Variants in MCCC2 observed in about 807,000 individuals in gnomAD.
The protein encoded by MCCC2 is methylcrotonyl-CoA carboxylase subunit 2.
A neutral mutation model predicts 77.2 loss-of-function variants in MCCC2; 52 were observed. The ratio of observed to expected loss-of-function variants is 0.67; its 90% CI spans 0.54 to 0.85. MCCC2 has a LOEUF of 0.85. MCCC2 is among the 40% of genes least tolerant of loss of function. The pLI, the probability that MCCC2 is intolerant of heterozygous loss-of-function variation, is 0.00. For synonymous variants in MCCC2, 253 were observed against 248.4 expected, an observed-to-expected ratio of 1.02 and a Z score of -0.18; for missense variants, 682 against 703.2, an observed-to-expected ratio of 0.97 and a Z score of 0.34.
intron 3 of MCCC2, among the ~76,000 whole-genome samples, chr5:71,598,746 G>A (rs539803401): frequency 5.5e-5 from 8 of 146,658 alleles, no homozygotes; most frequent in Admixed American, 1.4e-4. Flanking sequence ...ATGAGCCACC[G>A]TGCCTGGCCA....
intron 8 of MCCC2, among the ~76,000 whole-genome samples, chr5:71,633,107 ATATATATATATATATATATATATATT>A (rs1339971403): frequency 0.014 from 295 of 21,024 alleles, 15 homozygotes; most frequent in African/African-American, 0.032. Context: ...ATATATATAT[ATATATATATATATATATATATATATT>A]TTTATTTTTT....
rs1554134056 is a variant in MCCC2, at chr5:71,602,557, C to T, written c.435C>T (p.Tyr145=). 6.2e-6 allele frequency: 10 copies of T among 1,614,182 alleles called. No individual in the cohort carries two copies. In the Admixed American group the frequency reaches 1.7e-4, roughly 27 times the overall value. The change falls in exon 5 of 17, where the codon TAC becomes TAT. Residue 145 remains tyrosine (Y), a synonymous_variant. Transcript: ENST00000340941. ...ANDATVKGGA[Y]YPVTVKKQLR... ...ATGCCACCGTCAAAGGAGGTGCCTACTACCCAGTGACTGTGAAAAAACAAT... is the reference window on the plus strand; with the variant it reads ...ATGCCACCGTCAAAGGAGGTGCCTATTACCCAGTGACTGTGAAAAAACAAT...
intron 7 of MCCC2, among the ~76,000 whole-genome samples, chr5:71,626,972 TC>T (rs1482271129): frequency 2.0e-5 from 3 of 152,182 alleles, no homozygotes; most frequent in African/African-American, 7.2e-5. Context: ...ATTTTCATCC[TC>T]CCCAACTGAA....
intron 2 of MCCC2, among the ~76,000 whole-genome samples, chr5:71,595,582 T>G (rs1745153336): frequency 6.6e-6 from 1 of 152,138 alleles, no homozygotes; most frequent in Non-Finnish European, 1.5e-5. Context: ...AAAAATAAAC[T>G]AATGTTTTAA....
At chr5:71,633,131 A>ATTTTTTTTTTAT (rs1306338509) in intron 8 of MCCC2, among the ~76,000 whole-genome samples, 77 of 78,056 alleles carry the variant, frequency 9.9e-4, no homozygotes, top group Middle Eastern at 7.9e-3. Context: ...ATATATATAT[A>ATTTTTTTTTTAT]TTTTTATTTT....
At chr5:71,630,988 G>A (rs916365797) in intron 7 of MCCC2, among the ~76,000 whole-genome samples, 2 of 151,964 alleles carry the variant, frequency 1.3e-5, no homozygotes, top group African/African-American at 4.8e-5. Context: ...TCTTTTTCCT[G>A]GTAGAATTTC....
chr5:71,628,195 A>G (rs1316828802), intron 7 of MCCC2, among the ~76,000 whole-genome samples: 2 of 152,202 alleles, frequency 1.3e-5, no homozygotes, highest in East Asian at 3.8e-4. Flanking sequence ...CTTTGGAGAC[A>G]TGTCTATTCA....
At chr5:71,645,973 G>A (rs1183688561) in intron 12 of MCCC2, among the ~76,000 whole-genome samples, 3 of 151,956 alleles carry the variant, frequency 2.0e-5, no homozygotes, top group Non-Finnish European at 4.4e-5. Context: ...GAGACAGGAG[G>A]ATTGCTTGAG....
chr5:71,631,836 G>T (rs931412508), intron 7 of MCCC2, among the ~76,000 whole-genome samples: 1 of 152,106 alleles, frequency 6.6e-6, no homozygotes, highest in Non-Finnish European at 1.5e-5. Flanking sequence ...CACCGCGCCC[G>T]GCCAGGTCTT....
chr5:71,626,646 GT>G lies in MCCC2; in HGVS notation c.632del (p.Val211GlyfsTer62), dbSNP rs1188285046. 6.2e-7 allele frequency: 1 copy of G among 1,613,786 alleles called. No individual in the cohort carries two copies. The highest frequency in any genetic ancestry group is 8.5e-7 in the Non-Finnish European group (1 of 1,179,814). On this transcript the variant is annotated frameshift_variant, in exon 7 of 17. Transcript: ENST00000340941. LOFTEE classifies it high-confidence loss of function. Reference sequence around the variant, plus strand: ...TCGTGTGCTTGGATTCCAGATCGCAGTGGTCATGGGCTCCTGCACCGCAGGA... The same window carrying G: ...TCGTGTGCTTGGATTCCAGATCGCAGGGTCATGGGCTCCTGCACCGCAGGA... ...MSSKNIAQIA[V>X]VMGSCTAGGA...
At chr5:71,600,237 G>T (rs1260630525) in intron 4 of MCCC2, among the ~76,000 whole-genome samples, 2 of 152,032 alleles carry the variant, frequency 1.3e-5, no homozygotes, top group African/African-American at 4.8e-5. Context: ...CTTTTAACTA[G>T]AGATGCTCTA....
intron 6 of MCCC2, among the ~76,000 whole-genome samples, chr5:71,614,673 G>A (rs530777385): frequency 1.5e-4 from 23 of 151,956 alleles, no homozygotes; most frequent in Admixed American, 1.2e-3. Context: ...TAGTAGAGAC[G>A]GGGTTTTACT....
chr5:71,635,346 T>A, intron 10 of MCCC2, 100 bp downstream of exon 10: 2 of 1,018,820 alleles, frequency 2.0e-6, no homozygotes, highest in Non-Finnish European at 3.1e-6. Flanking sequence ...TGTTCATGCC[T>A]AGAAATAGAT....
At chr5:71,637,861 C>T (rs996578105) in intron 10 of MCCC2, among the ~76,000 whole-genome samples, 11 of 152,188 alleles carry the variant, frequency 7.2e-5, no homozygotes, top group Middle Eastern at 3.4e-3. Flanking sequence ...TACAGGTGCC[C>T]GCCACTGCGC....
intron 2 of MCCC2, among the ~76,000 whole-genome samples, chr5:71,593,449 C>G (rs1175892928): frequency 1.3e-5 from 2 of 151,910 alleles, no homozygotes; most frequent in East Asian, 1.9e-4. Context: ...TTTTATTTTT[C>G]CTATTACTTG....
intron 6 of MCCC2, among the ~76,000 whole-genome samples, chr5:71,609,038 T>G (rs994277321): frequency 6.6e-6 from 1 of 152,050 alleles, no homozygotes; most frequent in African/African-American, 2.4e-5. Flanking sequence ...ATCTGACAAT[T>G]ATGTGTCTTG....
chr5:71,620,140 G>A (rs1475709554), intron 6 of MCCC2, among the ~76,000 whole-genome samples: 2 of 152,180 alleles, frequency 1.3e-5, no homozygotes, highest in Non-Finnish European at 2.9e-5. Flanking sequence ...TGGATTCTTT[G>A]TGCATTTCAA....
chr5:71,642,994 C>T (rs570262845), intron 11 of MCCC2, among the ~76,000 whole-genome samples: 1 of 150,796 alleles, frequency 6.6e-6, no homozygotes, highest in Admixed American at 6.6e-5. Context: ...CAGAAAAAGA[C>T]CCTGTCTCAT....
Position 71,656,907 on chromosome 5 carries a change from CAT to C in MCCC2, c.*48_*49del. 7.1e-7 allele frequency: 1 copy of C among 1,415,436 alleles called. No individual in the cohort carries two copies. Among genetic ancestry groups the C allele is most frequent in the Non-Finnish European group, 1.0e-6 (1 of 999,658 alleles). 87.7% of individuals were successfully genotyped at this position (1,415,436 alleles called of 1,614,324 possible). A position where few individuals can be genotyped will look rare whatever the true frequency, so the allele number is the denominator to read the frequency against. ...GTTGGACATGTACTGAAAATTAACA[CAT>C]GTAGTAGCCTTAAAATTTTAGACTT... On this transcript the variant is annotated 3_prime_UTR_variant, in exon 17 of 17. Coordinates refer to ENST00000340941, the MANE Select transcript of MCCC2 (RefSeq NM_022132.5).
Sources: allele counts gnomAD v4.1 joint callset (sites outside exome capture counted in the v4.1 genomes callset), GRCh38; gene constraint gnomAD v4.1.1; transcripts MANE v1.5; gene names NCBI Gene and HGNC (gene_info 2026-07-23, HGNC 2026-07-21).